The following DDX25 variants were observed in gnomAD, a reference collection of about 807,000 sequenced individuals.
DDX25 encodes the protein DEAD-box helicase 25, also known as ATP-dependent RNA helicase DDX25.
In DDX25, 70 loss-of-function variants were observed where a neutral mutation model predicts 64.6. That is an observed-to-expected ratio of 1.08 (90% CI 0.89 to 1.32). DDX25 has a LOEUF of 1.32. Ranked by LOEUF, DDX25 falls within the 40% of genes most tolerant of loss-of-function variation. DDX25 has a pLI of 0.00. For synonymous variants in DDX25, 211 were observed against 213.3 expected (o/e 0.99, Z 0.09); for missense variants, 587 against 604.4 (o/e 0.97, Z 0.30).
At position 125,923,491 on chromosome 11, in the gene DDX25, A is replaced by C. The variant is rs1336110117; in HGVS notation, c.*610A>C. ...GTATTTTTCTATTTTGCTTCTCTTC[A>C]AATTAAAGATTTACTCCCTCATCAG... On this transcript the variant is annotated 3_prime_UTR_variant, in exon 12 of 12. Coordinates refer to ENST00000263576, the MANE Select transcript of DDX25 (RefSeq NM_013264.5). 1.3e-5 allele frequency: 2 copies of C among 152,204 alleles called. No homozygotes were observed. Among genetic ancestry groups the C allele is most frequent in the Non-Finnish European group, 2.9e-5 (2 of 68,046 alleles). 9.4% of individuals were successfully genotyped at this position (152,204 alleles called of 1,614,324 possible). A position where few individuals can be genotyped will look rare whatever the true frequency, so the allele number is the denominator to read the frequency against.
intron 9 of DDX25, 112 bp downstream of exon 9, chr11:125,917,363 C>A: frequency 2.0e-6 from 2 of 975,974 alleles, no homozygotes; most frequent in South Asian, 1.6e-5. Flanking sequence ...TCTTGTGTGT[C>A]TCCAGTTTAA....
intron 10 of DDX25, among the ~76,000 whole-genome samples, chr11:125,919,553 C>CTT (rs376752578): frequency 0.053 from 6,666 of 126,860 alleles, 217 homozygotes; most frequent in East Asian, 0.14. Context: ...GAAAAAAATC[C>CTT]TTTTTTTTTT....
Position 125,925,429 on chromosome 11 carries a change from A to T in DDX25, c.*2548A>T. On this transcript the variant is annotated 3_prime_UTR_variant, in exon 12 of 12. Coordinates refer to ENST00000263576, the MANE Select transcript of DDX25 (RefSeq NM_013264.5). ...CACGAACTGGCTAGTTTGGTGAGTC[A>T]ACAATCCAAAGGCTGTTTTTTGCAG... 1 of 456,278 alleles carries T rather than the reference A, an allele frequency of 2.2e-6. No homozygotes were observed. Among genetic ancestry groups the T allele is most frequent in the South Asian group, 1.5e-5 (1 of 64,564 alleles). 28.3% of individuals were successfully genotyped at this position (456,278 alleles called of 1,614,324 possible).
At chr11:125,905,332 T>G (rs1944868554) in intron 2 of DDX25, 54 bp downstream of exon 2, 1 of 1,541,248 alleles carries the variant, frequency 6.5e-7, no homozygotes, top group Admixed American at 2.0e-5. Flanking sequence ...AAGTATTGTT[T>G]TGCTTTCATC....
At chr11:125,920,508 G>T (rs1945096648) in intron 10 of DDX25, among the ~76,000 whole-genome samples, 1 of 152,290 alleles carries the variant, frequency 6.6e-6, no homozygotes, top group African/African-American at 2.4e-5. Context: ...GTTTGTTCAG[G>T]AAATGGCCAG....
In DDX25 at chr11:125,921,470, G is replaced by A. The variant is rs1945114925; in HGVS notation, c.1390+91G>A. Reference sequence around the variant, plus strand: ...GGAGAGCTGGAGTCCAGGGGCTCATGAGAGTAGTAGAAGCAGAATGCATGA... The same window carrying A: ...GGAGAGCTGGAGTCCAGGGGCTCATAAGAGTAGTAGAAGCAGAATGCATGA... On this transcript the variant is annotated intron_variant, in intron 11 of 11. Transcript: ENST00000263576. This position sits in a 1 kb window ranked among gnomAD's most constrained non-coding sequence, Gnocchi z 4.1. 3.5e-6 allele frequency: 5 copies of A among 1,425,794 alleles called. No individual in the cohort carries two copies. The South Asian group carries it at 7.2e-5, about 20-fold the overall frequency. The allele number at this position is 1,425,794 out of a possible 1,614,324, so 88.3% of individuals were successfully genotyped here.
At chr11:125,922,030 T>G (rs1391530610) in intron 11 of DDX25, 5 of 152,252 alleles carry the variant, frequency 3.3e-5, no homozygotes, top group Admixed American at 3.3e-4. Context: ...AGTAACATCC[T>G]TTAAGATTCT....
rs184973625 is a variant in DDX25, at chr11:125,921,415, C to T, written c.1390+36C>T. On this transcript the variant is annotated intron_variant, in intron 11 of 11. Transcript: ENST00000263576. The surrounding 1 kb of genome is among the most constrained non-coding windows in gnomAD (Gnocchi z 4.1). ...CCACCCTCACAATATGAACTACAGA[C>T]CTGCCGGTCTGACAGTGATGATGTG... is the stretch of plus-strand genomic sequence containing the variant. 2,389 of 1,598,542 alleles carry T rather than the reference C, an allele frequency of 1.5e-3. 7 individuals are homozygous for T. The highest frequency in any genetic ancestry group is 1.9e-3 in the Non-Finnish European group (2,209 of 1,170,840).
chr11:125,913,135 G>A (rs1298816560), intron 8 of DDX25, among the ~76,000 whole-genome samples: 2 of 147,996 alleles, frequency 1.4e-5, no homozygotes, highest in African/African-American at 2.5e-5. Flanking sequence ...TACAGCCTGG[G>A]TGACAGAGCA....
chr11:125,923,170 C>T lies in DDX25; in HGVS notation c.*289C>T. On this transcript the variant is annotated 3_prime_UTR_variant, in exon 12 of 12. Transcript: ENST00000263576. ...GGGGTGTTTTTGGATTTGGTTGATA[C>T]AATCTGAGCAGATCGTGCCTCTTGG... 3.1e-6 allele frequency: 1 copy of T among 321,730 alleles called. No homozygotes were observed. Among genetic ancestry groups the T allele is most frequent in the Non-Finnish European group, 5.8e-6 (1 of 173,644 alleles). The allele number at this position is 321,730 out of a possible 1,614,324, so 19.9% of individuals were successfully genotyped here.
chr11:125,919,539 T>G (rs896947150), intron 10 of DDX25, among the ~76,000 whole-genome samples: 1 of 147,794 alleles, frequency 6.8e-6, no homozygotes, highest in African/African-American at 2.5e-5. Context: ...TGTTGACTAC[T>G]GGTGAAAAAA....
chr11:125,920,998 C>T (rs1254714556), intron 10 of DDX25, 193 bp from the exon 11 acceptor site: 6 of 585,108 alleles, frequency 1.0e-5, no homozygotes, highest in Non-Finnish European at 9.0e-6. Flanking sequence ...TATGGACACG[C>T]TCATCTAGCA....
At chr11:125,908,039 A>G (rs1944917625) in intron 4 of DDX25, among the ~76,000 whole-genome samples, 157 bp from the exon 5 acceptor site, 1 of 152,214 alleles carries the variant, frequency 6.6e-6, no homozygotes, top group Non-Finnish European at 1.5e-5. Flanking sequence ...ATGATTGTTT[A>G]TGTTTGGAAG....
chr11:125,904,791 C>T (rs1291421105), intron 1 of DDX25: 3 of 622,262 alleles, frequency 4.8e-6, no homozygotes, highest in Non-Finnish European at 8.3e-6. Context: ...TTAGAAAGGG[C>T]AAAAATGACG....
chr11:125,911,507 C>G lies in DDX25; in HGVS notation c.800+19C>G. The G allele has an allele frequency of 6.2e-7, 1 of 1,607,282 alleles. No individual in the cohort carries two copies. The highest frequency in any genetic ancestry group is 2.2e-5 in the East Asian group (1 of 44,630). ...TTCAAAGGTAATCTTCAGAGTCTTCCTCTCTTCCTCAGCCTTCTGTCCAGA... is the reference window on the plus strand; with the variant it reads ...TTCAAAGGTAATCTTCAGAGTCTTCGTCTCTTCCTCAGCCTTCTGTCCAGA... On this transcript the variant is annotated intron_variant, in intron 8 of 11. Transcript: ENST00000263576.
At chr11:125,907,469 G>GGGCA (rs1944907005) in intron 4 of DDX25, among the ~76,000 whole-genome samples, 1 of 151,960 alleles carries the variant, frequency 6.6e-6, no homozygotes, top group African/African-American at 2.4e-5. Context: ...TTAGCCAGGT[G>GGGCA]TGGTGGCGGG....
chr11:125,905,483 G>C, intron 2 of DDX25, 70 bp from the exon 3 acceptor site: 12 of 1,494,632 alleles, frequency 8.0e-6, no homozygotes, highest in Non-Finnish European at 1.1e-5. Context: ...AGAAAAAATT[G>C]AATAGCATGC....
rs190596238 is a variant in DDX25, at chr11:125,915,056, G to A, written c.801-1958G>A. On this transcript the variant is annotated intron_variant, in intron 8 of 11. Coordinates refer to ENST00000263576, the MANE Select transcript of DDX25 (RefSeq NM_013264.5). ...GTTCCTGGCCTCAAGTGATCCACCC[G>A]CCTCAGGCTCCCAAAGTGCTGGGAT... is the stretch of plus-strand genomic sequence containing the variant. Among the ~76,000 whole-genome samples the A allele has an allele frequency of 1.3e-3, 192 of 152,282 alleles. 5 individuals carry two copies. The highest frequency in any genetic ancestry group is 3.4e-4 in the Non-Finnish European group (23 of 68,022).
upstream of DDX25, among the ~76,000 whole-genome samples, chr11:125,903,861 A>G (rs1038551961): frequency 5.3e-5 from 8 of 152,296 alleles, no homozygotes; most frequent in Middle Eastern, 3.4e-3. Flanking sequence ...CGCATGTAGG[A>G]CGTAGAGGTT....
Sources: gnomAD v4.1 joint callset for allele counts (sites outside exome capture counted in the v4.1 genomes callset) on GRCh38, gnomAD v4.1.1 for gene constraint, Gnocchi (gnomAD v3.1) non-coding constraint, MANE v1.5 for transcripts, NCBI Gene and HGNC (gene_info 2026-07-23, HGNC 2026-07-21) for gene names.